The following PCDHA10 variants were observed in gnomAD, a reference collection of about 807,000 sequenced individuals.
The protein encoded by PCDHA10 is protocadherin alpha-10.
PCDHA10 carries 45 observed loss-of-function variants against 61.2 expected under a neutral mutation model. The ratio of observed to expected loss-of-function variants is 0.74; its 90% CI spans 0.58 to 0.94. The LOEUF (loss-of-function observed/expected upper bound fraction) is 0.94, where lower values mean the gene tolerates loss of function less well. Among genes scored for constraint, PCDHA10 ranks in the 40% least tolerant of loss-of-function variants. PCDHA10 has a pLI of 0.00. For synonymous variants in PCDHA10, 602 were observed against 548.8 expected (o/e 1.10, Z -1.35); for missense variants, 1,278 against 1,236.2 (o/e 1.03, Z -0.51).
chr5:140,882,932 C>G (rs946510478), intron 1 of PCDHA10: 1 of 1,614,196 alleles, frequency 6.2e-7, no homozygotes, highest in Admixed American at 1.7e-5. Flanking sequence ...TAAACCCGAG[C>G]TGACTGGCAC....
chr5:140,890,565 T>C (rs1381687393), intron 1 of PCDHA10, among the ~76,000 whole-genome samples: 1 of 152,194 alleles, frequency 6.6e-6, no homozygotes, highest in Non-Finnish European at 1.5e-5. Context: ...TATTGTTCCA[T>C]TTCCTTCTGT....
intron 1 of PCDHA10, among the ~76,000 whole-genome samples, chr5:140,963,204 AAACCTCGTGTT>A (rs2095746581): frequency 6.6e-6 from 1 of 152,104 alleles, no homozygotes; most frequent in South Asian, 2.1e-4. Context: ...ATGAAAAAAA[AAACCTCGTGTT>A]TAGAGTAGAC....
rs782133260 is a variant in PCDHA10 at position 140,856,504 on chromosome 5, A to G, written c.456A>G (p.Pro152=). 3.8e-6 allele frequency: 6 copies of G among 1,598,348 alleles called. 1 individual carries two copies. The highest frequency in any genetic ancestry group is 8.6e-7 in the Non-Finnish European group (1 of 1,167,852). The part of the protein sequence containing the change: ...PESRLLDSRF[P]LEGASDADVG... ...CCAGACTGCTTGACTCTCGATTTCC[A>G]CTAGAAGGCGCATCTGATGCGGATG... The change falls in exon 1 of 4, where the codon CCA becomes CCG. Residue 152 remains proline (P), a synonymous_variant. Transcript: ENST00000307360.
intron 1 of PCDHA10, among the ~76,000 whole-genome samples, chr5:140,945,463 A>G (rs1554216960): frequency 6.6e-6 from 1 of 152,166 alleles, no homozygotes; most frequent in African/African-American, 2.4e-5. Flanking sequence ...TAAAATTTGC[A>G]TGGAACCACA....
At chr5:140,875,412 A>G in intron 1 of PCDHA10, 4 of 1,505,550 alleles carry the variant, frequency 2.7e-6, no homozygotes, top group Non-Finnish European at 3.5e-6. Context: ...CTCATAAAAT[A>G]CCTCAGGCAA....
intron 1 of PCDHA10, among the ~76,000 whole-genome samples, chr5:140,896,062 C>T (rs781234487): frequency 1.1e-4 from 17 of 152,104 alleles, no homozygotes; most frequent in South Asian, 4.2e-4. Flanking sequence ...CCGCCTGCCT[C>T]GGCCTCCCAA....
intron 1 of PCDHA10, chr5:140,967,061 C>T: frequency 6.2e-7 from 1 of 1,612,886 alleles, no homozygotes; most frequent in Non-Finnish European, 8.5e-7. Context: ...GAGTGGAGCG[C>T]TCTTCGTCAA....
chr5:140,884,479 C>T, intron 1 of PCDHA10: 1 of 1,613,914 alleles, frequency 6.2e-7, no homozygotes, highest in Non-Finnish European at 8.5e-7. Context: ...CGGGCAAGCC[C>T]ACTCTAGTGT....
intron 1 of PCDHA10, among the ~76,000 whole-genome samples, chr5:140,917,324 C>CGGGGGG (rs1299895515): frequency 3.9e-5 from 3 of 76,174 alleles, no homozygotes; most frequent in East Asian, 7.2e-4. Flanking sequence ...GTTCATGTGG[C>CGGGGGG]GGGGGAGGGG....
intron 1 of PCDHA10, among the ~76,000 whole-genome samples, chr5:140,935,203 A>T (rs1403808889): frequency 6.6e-6 from 1 of 152,160 alleles, no homozygotes; most frequent in African/African-American, 2.4e-5. Flanking sequence ...GTTTCTAGGT[A>T]TCTTCAGCTA....
chr5:140,887,632 G>T (rs1554183131), intron 1 of PCDHA10, among the ~76,000 whole-genome samples: 1 of 151,834 alleles, frequency 6.6e-6, no homozygotes, highest in Admixed American at 6.6e-5. Context: ...ATGTTAGTCT[G>T]TTGGGGTTTG....
At chr5:140,921,379 T>C (rs1186418255) in intron 1 of PCDHA10, among the ~76,000 whole-genome samples, 1 of 152,180 alleles carries the variant, frequency 6.6e-6, no homozygotes, top group Non-Finnish European at 1.5e-5. Context: ...TTTCTACATA[T>C]TTGATAAACA....
At chr5:140,958,597 G>A (rs551005076) in intron 1 of PCDHA10, among the ~76,000 whole-genome samples, 60 of 152,170 alleles carry the variant, frequency 3.9e-4, no homozygotes, top group African/African-American at 1.4e-3. Context: ...ATGATAATTG[G>A]ATCAAAGGAA....
chr5:140,875,813 T>A, intron 1 of PCDHA10: 2 of 1,614,174 alleles, frequency 1.2e-6, no homozygotes, highest in Non-Finnish European at 1.7e-6. Context: ...GACAGGCCGC[T>A]GCAGGTTTTC....
intron 3 of PCDHA10, among the ~76,000 whole-genome samples, chr5:140,990,073 GA>G (rs1319076601): frequency 2.6e-5 from 4 of 152,060 alleles, no homozygotes; most frequent in Non-Finnish European, 5.9e-5. Context: ...AAATAAGGGG[GA>G]CAAAGGATGC....
chr5:140,864,439 T>A (rs2048478325), intron 1 of PCDHA10: 1 of 152,242 alleles, frequency 6.6e-6, no homozygotes, highest in South Asian at 2.1e-4. Flanking sequence ...CAATTTTGTT[T>A]CTTCATGATC....
chr5:140,918,107 C>T (rs2078522550), intron 1 of PCDHA10, among the ~76,000 whole-genome samples: 1 of 152,132 alleles, frequency 6.6e-6, no homozygotes. Flanking sequence ...AGATCTTTCA[C>T]ATCCTTGATT....
chr5:140,999,027 T>A (rs2097843534), intron 3 of PCDHA10, among the ~76,000 whole-genome samples: 1 of 152,262 alleles, frequency 6.6e-6, no homozygotes, highest in Admixed American at 6.5e-5. Flanking sequence ...AGACTTTTGA[T>A]ACTTCGTCCA....
At chr5:140,990,821 G>T (rs890499969) in intron 3 of PCDHA10, among the ~76,000 whole-genome samples, 1 of 152,172 alleles carries the variant, frequency 6.6e-6, no homozygotes, top group East Asian at 1.9e-4. Flanking sequence ...CCTTCTCTCA[G>T]CTAAAGCCTA....
Sources: gnomAD v4.1 joint callset for allele counts (sites outside exome capture counted in the v4.1 genomes callset) on GRCh38, gnomAD v4.1.1 for gene constraint, MANE v1.5 for transcripts, NCBI Gene and HGNC (gene_info 2026-07-23, HGNC 2026-07-21) for gene names.